AFF2: variants seen among roughly 807,000 people sequenced by gnomAD.
AFF2 encodes AF4/FMR2 family member 2.
A neutral mutation model predicts 76.9 loss-of-function variants in AFF2; 14 were observed. The observed-to-expected ratio is 0.18, with a 90% CI of 0.12 to 0.28. The LOEUF (loss-of-function observed/expected upper bound fraction) is 0.28. AFF2 is among the 10% of genes least tolerant of loss of function. The pLI is 1.00. For synonymous variants in AFF2, 398 were observed against 366.7 expected (o/e 1.09, Z -0.98); for missense variants, 868 against 1,001.1 (o/e 0.87, Z 1.79).
At chrX:148,839,442 C>A (rs2070569748) in intron 5 of AFF2, among the ~76,000 whole-genome samples, 1 of 111,792 alleles carries the variant, frequency 8.9e-6, no homozygotes, top group South Asian at 3.7e-4. Flanking sequence ...CCACTACAAC[C>A]CAAAGAGATT....
intron 20 of AFF2, among the ~76,000 whole-genome samples, chrX:148,989,511 G>T (rs1452594882): frequency 8.9e-6 from 1 of 112,110 alleles, no homozygotes; most frequent in East Asian, 2.8e-4. Context: ...TGCTGTCATT[G>T]GGGTTTTCAG....
chrX:148,774,584 A>T (rs1455466200), intron 3 of AFF2, among the ~76,000 whole-genome samples: 5 of 111,180 alleles, frequency 4.5e-5, no homozygotes, highest in African/African-American at 1.6e-4. Flanking sequence ...GATATACATA[A>T]TTTCACTCCT....
At chrX:148,966,666 T>G in intron 13 of AFF2, 124 bp from the exon 14 acceptor site, 3 of 1,053,275 alleles carry the variant, frequency 2.8e-6, no homozygotes, top group East Asian at 3.2e-5. Flanking sequence ...GCTGTGTGCA[T>G]TGTTTTCTTT....
At chrX:148,900,506 A>G (rs1301567553) in intron 8 of AFF2, among the ~76,000 whole-genome samples, 1 of 111,842 alleles carries the variant, frequency 8.9e-6, no homozygotes, top group Non-Finnish European at 1.9e-5. Flanking sequence ...CCTTGGAATC[A>G]GAGAAGTTCC....
At chrX:148,544,303 A>G (rs189732728) in intron 1 of AFF2, among the ~76,000 whole-genome samples, 80 of 112,728 alleles carry the variant, frequency 7.1e-4, no homozygotes, top group Non-Finnish European at 1.3e-3. Context: ...TACCCACAAG[A>G]CATCTTTCCT....
chrX:148,818,996 T>C (rs2070297526), intron 4 of AFF2, among the ~76,000 whole-genome samples: 1 of 111,039 alleles, frequency 9.0e-6, no homozygotes, highest in Non-Finnish European at 1.9e-5. Flanking sequence ...CCAAAGTACA[T>C]ACTAATAGTA....
At chrX:148,560,159 A>G (rs1372805081) in intron 1 of AFF2, among the ~76,000 whole-genome samples, 1 of 111,439 alleles carries the variant, frequency 9.0e-6, no homozygotes, top group Non-Finnish European at 1.9e-5. Context: ...CTACAAGGCT[A>G]CAGTAACCAA....
intron 7 of AFF2, among the ~76,000 whole-genome samples, chrX:148,868,422 AGTGAGAGATCTTG>A (rs1470677076): frequency 8.9e-6 from 1 of 112,088 alleles, no homozygotes; most frequent in East Asian, 2.8e-4. Context: ...CTGAAGCCAT[AGTGAGAGATCTTG>A]AAGGCTTGAA....
chrX:148,871,938 CTG>C (rs1334207303), intron 7 of AFF2, among the ~76,000 whole-genome samples: 28 of 111,068 alleles, frequency 2.5e-4, no homozygotes, highest in African/African-American at 8.2e-4. Context: ...CTCTTTTTCT[CTG>C]TGTTTTTCTT....
chrX:148,779,491 G>A (rs1388009915), intron 3 of AFF2, among the ~76,000 whole-genome samples: 2 of 111,673 alleles, frequency 1.8e-5, no homozygotes, highest in African/African-American at 6.5e-5. Flanking sequence ...TCTCTTTGTA[G>A]GTCTCTAAGA....
chrX:148,920,591 GT>G (rs1557283077), intron 9 of AFF2, among the ~76,000 whole-genome samples: 1 of 97,111 alleles, frequency 1.0e-5, no homozygotes, highest in African/African-American at 3.8e-5. Flanking sequence ...ACAAAAATGT[GT>G]ATGTCTTTGG....
intron 13 of AFF2, among the ~76,000 whole-genome samples, chrX:148,966,148 C>T (rs948555168): frequency 2.7e-5 from 3 of 111,983 alleles, no homozygotes; most frequent in African/African-American, 9.8e-5. Flanking sequence ...CCTAAGATTG[C>T]AAAACAAAAT....
intron 16 of AFF2, among the ~76,000 whole-genome samples, chrX:148,975,398 T>C (rs2124406296): frequency 8.9e-6 from 1 of 112,305 alleles, no homozygotes; most frequent in African/African-American, 3.2e-5. Context: ...TTTGCAGCGA[T>C]TGAAATACAA....
rs782511128 is a variant in AFF2, at chrX:148,997,588, T to TG, written c.*6257dup. ...TTCTGGCCCTTCTGTCTTTTGCCTC[T>TG]GCAATTCTTTTTGTAGCTGGCACGA... On this transcript the variant is annotated 3_prime_UTR_variant, in exon 21 of 21. Transcript: ENST00000370460. The TG allele has an allele frequency of 1.8e-5, 2 of 112,674 alleles. No homozygotes were observed. Among genetic ancestry groups the TG allele is most frequent in the South Asian group, 7.4e-4 (2 of 2,720 alleles). 9.3% of individuals were successfully genotyped at this position (112,674 alleles called of 1,213,427 possible). A position where few individuals can be genotyped will look rare whatever the true frequency, so the allele number is the denominator to read the frequency against.
intron 1 of AFF2, among the ~76,000 whole-genome samples, chrX:148,600,130 G>A (rs1557247861): frequency 8.9e-6 from 1 of 112,350 alleles, no homozygotes; most frequent in Non-Finnish European, 1.9e-5. Flanking sequence ...ATATCGTCTA[G>A]AGAGATCTTT....
chrX:148,662,009 A>G lies in AFF2; in HGVS notation c.282A>G (p.Leu94=). ...LLTNHSNQNH[L]VGIPKNSVPQ... is the part of the protein sequence containing the mutation. The stretch of plus-strand genomic sequence containing the variant: ...CTAACCATTCTAATCAGAATCACCT[A>G]GTGGGAATTCCAAAGAATTCTGTGC... The change falls in exon 3 of 21, where the codon CTA becomes CTG. Residue 94 remains leucine, a synonymous_variant. Transcript: ENST00000370460. The G allele has an allele frequency of 1.7e-6, 2 of 1,210,177 alleles. No homozygotes were observed. The highest frequency in any genetic ancestry group is 2.2e-6 in the Non-Finnish European group (2 of 893,872).
intron 3 of AFF2, among the ~76,000 whole-genome samples, chrX:148,757,934 A>G (rs2069394393): frequency 8.9e-6 from 1 of 112,544 alleles, no homozygotes; most frequent in Non-Finnish European, 1.9e-5. Flanking sequence ...CAAAACATGC[A>G]ATGTCCTAAA....
intron 1 of AFF2, among the ~76,000 whole-genome samples, chrX:148,575,128 G>A (rs782203403): frequency 1.7e-3 from 190 of 110,847 alleles, no homozygotes; most frequent in African/African-American, 5.6e-3. Context: ...TGGTTGAATT[G>A]AATTAAAATC....
In AFF2 at chrX:148,634,179, A is replaced by G. The variant is rs1317973103; in HGVS notation, c.48-17820A>G. 3.6e-5 allele frequency among the ~76,000 whole-genome samples: 4 copies of G among 112,033 alleles called. No individual in the cohort carries two copies. The Admixed American group carries it at 3.8e-4, about 11-fold the overall frequency. ...TCATGTTCCCGATTTGAACTACAAT[A>G]AAGTGTTTCGCAGGTGTGTGGTGTC... is the stretch of plus-strand genomic sequence containing the variant. On this transcript the variant is annotated intron_variant, in intron 1 of 20. Coordinates refer to ENST00000370460, the MANE Select transcript of AFF2 (RefSeq NM_002025.4).
Sources: allele counts gnomAD v4.1 joint callset (sites outside exome capture counted in the v4.1 genomes callset), GRCh38; gene constraint gnomAD v4.1.1; transcripts MANE v1.5; gene names NCBI Gene and HGNC (gene_info 2026-07-23, HGNC 2026-07-21).